Variants in RTN4 observed in about 807,000 individuals in gnomAD.
The protein encoded by RTN4 is reticulon-4.
A neutral mutation model predicts 90.4 loss-of-function variants in RTN4; 32 were observed. The observed-to-expected ratio is 0.35, with a 90% CI of 0.27 to 0.48. RTN4 has a LOEUF of 0.48. RTN4 is among the 20% of genes least tolerant of loss of function. RTN4 has a pLI of 0.99. For synonymous variants in RTN4, 629 were observed against 552.5 expected (o/e 1.14, Z -1.94); for missense variants, 1,706 against 1,430.2 (o/e 1.19, Z -3.11).
At chr2:55,091,675 C>T (rs116448542) in intron 1 of RTN4, among the ~76,000 whole-genome samples, 151 of 152,206 alleles carry the variant, frequency 9.9e-4, no homozygotes, top group African/African-American at 3.4e-3. Flanking sequence ...AAAAAGAAAA[C>T]TTTTTTTAAT....
chr2:55,114,850 C>A (rs1333486269), upstream of RTN4, among the ~76,000 whole-genome samples: 2 of 152,102 alleles, frequency 1.3e-5, no homozygotes, highest in African/African-American at 4.8e-5. Context: ...AGAATAGCCA[C>A]CCCCATTCAT....
At chr2:55,036,466 G>A (rs1682689332) in intron 1 of RTN4, among the ~76,000 whole-genome samples, 2 of 151,778 alleles carry the variant, frequency 1.3e-5, no homozygotes, top group South Asian at 2.1e-4. Flanking sequence ...CCCAGGTGTG[G>A]TGGCGTGCAC....
rs909045382 is a variant in RTN4, at chr2:54,976,675, A to G, written c.3361-1911T>C. ...TCAGGGAACACACCACCAGGAGAGAAAGGGGTGGCAGCAAGAACTAACCTA... is the reference window on the plus strand; with the variant it reads ...TCAGGGAACACACCACCAGGAGAGAGAGGGGTGGCAGCAAGAACTAACCTA... On this transcript the variant is annotated intron_variant, in intron 5 of 8. Coordinates refer to ENST00000337526, the MANE Select transcript of RTN4 (RefSeq NM_020532.5). Among the ~76,000 whole-genome samples the G allele has an allele frequency of 6.6e-5, 10 of 152,326 alleles. No homozygotes were observed. The South Asian group carries it at 1.2e-3, about 19-fold the overall frequency.
At chr2:55,049,686 G>A (rs1667987139) in intron 1 of RTN4, 59 bp downstream of exon 1, 4 of 1,465,022 alleles carry the variant, frequency 2.7e-6, no homozygotes, top group South Asian at 1.3e-5. Context: ...ATCTGGGGCT[G>A]CACACAAAAG....
chr2:55,049,501 G>T, intron 1 of RTN4: 1 of 591,610 alleles, frequency 1.7e-6, no homozygotes, highest in Non-Finnish European at 3.0e-6. Context: ...GGGTGAAAGT[G>T]GGAGCCGGGA....
chr2:55,128,297 AG>A, the RTN4 span, among the ~76,000 whole-genome samples: 2 of 152,190 alleles, frequency 1.3e-5, no homozygotes, highest in Non-Finnish European at 2.9e-5. Context: ...CTGGGCCTTC[AG>A]GGTGGCCTCA....
At chr2:55,065,398 C>G (rs572660716) in intron 2 of RTN4, among the ~76,000 whole-genome samples, 1 of 152,198 alleles carries the variant, frequency 6.6e-6, no homozygotes, top group Non-Finnish European at 1.5e-5. Flanking sequence ...CATATTAACA[C>G]ATTTAAACCA....
At chr2:55,044,785 TAAA>T (rs10639848) in intron 1 of RTN4, among the ~76,000 whole-genome samples, 2 of 65,662 alleles carry the variant, frequency 3.0e-5, no homozygotes, top group Admixed American at 2.3e-4. Flanking sequence ...TGCAAATCAC[TAAA>T]AAAAAAAAAA....
chr2:55,049,772 T>TGGGCGCGGCCGGGGTGGAGGG lies in RTN4; in HGVS notation c.508_528dup (p.Pro170_Pro176dup), dbSNP rs1667993389. ...ACTGAGCCCGAGGAGCCCCTGCGCT[T>TGGGCGCGGCCGGGGTGGAGGG]GGGCGCGGCCGGGGTGGAGGGGGGC... is the stretch of plus-strand genomic sequence containing the variant. On this transcript the variant is annotated inframe_insertion, in exon 1 of 9. Transcript: ENST00000337526. 2.2e-5 allele frequency: 29 copies of TGGGCGCGGCCGGGGTGGAGGG among 1,291,428 alleles called. 1 individual carries two copies. The highest frequency in any genetic ancestry group is 6.7e-5 in the East Asian group (2 of 29,760). The allele number at this position is 1,291,428 out of a possible 1,614,324, so 80.0% of individuals were successfully genotyped here. A position where few individuals can be genotyped will look rare whatever the true frequency, so the allele number is the denominator to read the frequency against.
intron 5 of RTN4, 87 bp from the exon 6 acceptor site, chr2:54,974,851 C>G: frequency 1.8e-6 from 2 of 1,103,528 alleles, no homozygotes; most frequent in Non-Finnish European, 2.8e-6. Flanking sequence ...ATCTAAATGC[C>G]TACCTACAAA....
At chr2:55,068,256 T>C (rs1668429142) in intron 2 of RTN4, among the ~76,000 whole-genome samples, 1 of 152,212 alleles carries the variant, frequency 6.6e-6, no homozygotes, top group Non-Finnish European at 1.5e-5. Flanking sequence ...CCCTGCTACA[T>C]TAAAATCCAT....
intron 1 of RTN4, among the ~76,000 whole-genome samples, chr2:55,040,224 G>T (rs1682978964): frequency 6.6e-6 from 1 of 151,870 alleles, no homozygotes; most frequent in South Asian, 2.1e-4. Flanking sequence ...TATAAAATTT[G>T]GTTTTTATAC....
chr2:55,028,657 A>G (rs527504555), intron 1 of RTN4, among the ~76,000 whole-genome samples: 6 of 152,322 alleles, frequency 3.9e-5, no homozygotes, highest in African/African-American at 1.4e-4. Context: ...ATTGGCATAT[A>G]TTCAATTTAA....
Position 54,987,429 on chromosome 2 carries a change from G to A in RTN4, c.3221+62C>T. ...TGTAACTCTATAGACAGTAGATGAA[G>A]TCTTAATACCAATCCTGTTTACACT... On this transcript the variant is annotated intron_variant, in intron 4 of 8. Transcript: ENST00000337526. The A allele has an allele frequency of 2.5e-6, 3 of 1,192,768 alleles. No individual in the cohort carries two copies. The South Asian group carries it at 3.6e-5, about 14-fold the overall frequency. The allele number at this position is 1,192,768 out of a possible 1,614,324, so 73.9% of individuals were successfully genotyped here.
intron 4 of RTN4, among the ~76,000 whole-genome samples, chr2:54,986,980 A>G (rs1482352060): frequency 6.6e-6 from 1 of 152,182 alleles, no homozygotes; most frequent in Non-Finnish European, 1.5e-5. Flanking sequence ...GTAGAAGATG[A>G]TAGTTGAGAG....
intron 2 of RTN4, among the ~76,000 whole-genome samples, chr2:55,074,327 C>A (rs1668564068): frequency 6.6e-6 from 1 of 151,998 alleles, no homozygotes; most frequent in Admixed American, 6.5e-5. Flanking sequence ...CATAGCAAGA[C>A]CCCTGTCTCT....
At chr2:55,027,865 T>G (rs986764960) in intron 2 of RTN4, among the ~76,000 whole-genome samples, 1 of 152,166 alleles carries the variant, frequency 6.6e-6, no homozygotes, top group African/African-American at 2.4e-5. Context: ...TGGTATTTAT[T>G]TACAGGAAAG....
intron 3 of RTN4, among the ~76,000 whole-genome samples, chr2:55,011,229 G>A (rs1479176603): frequency 6.6e-6 from 1 of 151,918 alleles, no homozygotes; most frequent in East Asian, 1.9e-4. Context: ...GTCTCCCTGT[G>A]TTGTCCAAGC....
In RTN4 at chr2:55,027,091, A is replaced by T; in HGVS notation, c.1008T>A (p.Ser336Arg). Residue 336 changes from serine (S) to arginine (R), a missense_variant, in exon 3 of 9, where the codon AGT becomes AGA. By Grantham distance (110) the Ser-to-Arg change is moderately radical (BLOSUM62 -1). Coordinates refer to ENST00000337526, the MANE Select transcript of RTN4 (RefSeq NM_020532.5). ...KNKDEEEKLV[S>R]NNILHNQQEL... ...CTTGTTGATTATGAAGGATGTTATT[A>T]CTAACTAACTTCTCTTCTTCATCTT... 1 of 1,613,218 alleles carries T rather than the reference A, an allele frequency of 6.2e-7. No individual in the cohort carries two copies. The highest frequency in any genetic ancestry group is 8.5e-7 in the Non-Finnish European group (1 of 1,179,632).
Sources: allele counts gnomAD v4.1 joint callset (sites outside exome capture counted in the v4.1 genomes callset), GRCh38; gene constraint gnomAD v4.1.1; transcripts MANE v1.5; gene names NCBI Gene and HGNC (gene_info 2026-07-23, HGNC 2026-07-21).